Variants in CADPS2 observed in about 807,000 individuals in gnomAD.
CADPS2 encodes the protein calcium dependent secretion activator 2, also known as calcium-dependent secretion activator 2.
CADPS2 carries 93 observed loss-of-function variants against 172.5 expected under a neutral mutation model. That is an observed-to-expected ratio of 0.54 (90% confidence interval 0.46 to 0.64). The LOEUF is 0.64. Ranked by LOEUF, CADPS2 falls within the 30% of genes least tolerant of loss-of-function variation. The probability of loss-of-function intolerance (pLI) is 0.00; values close to 1 mark genes in which losing one functional copy is unlikely to be tolerated. For missense variants in CADPS2, 1,420 were observed against 1,565.9 expected, an observed-to-expected ratio of 0.91 and a Z score of 1.57; for synonymous variants, 546 against 555.2, an observed-to-expected ratio of 0.98 and a Z score of 0.23.
chr7:122,837,336 A>G (rs1370794891), intron 1 of CADPS2, among the ~76,000 whole-genome samples: 1 of 152,242 alleles, frequency 6.6e-6, no homozygotes, highest in African/African-American at 2.4e-5. Context: ...GGAAAGATCT[A>G]AAATTGAAAC....
At chr7:122,345,895 C>T (rs1199036061) in intron 27 of CADPS2, among the ~76,000 whole-genome samples, 1 of 143,188 alleles carries the variant, frequency 7.0e-6, no homozygotes, top group Non-Finnish European at 1.5e-5. Context: ...ATTGAAAATA[C>T]AGAGTTGTAG....
At position 122,411,654 on chromosome 7, in the gene CADPS2, A is replaced by G. The variant is rs548915259; in HGVS notation, c.2589+2414T>C. ...GTGCCTATTTATTCCCCAAGACAAG[A>G]TTAGTTTGCAATTCTGTACTTTGTT... is the stretch of plus-strand genomic sequence containing the variant. On this transcript the variant is annotated intron_variant, in intron 19 of 29. Coordinates refer to ENST00000449022, the MANE Select transcript of CADPS2 (RefSeq NM_017954.11). Among the ~76,000 whole-genome samples, 45 of 152,306 alleles carry G rather than the reference A, an allele frequency of 3.0e-4. 1 individual carries two copies. In the South Asian group the frequency reaches 9.1e-3, roughly 31 times the overall value.
intron 1 of CADPS2, among the ~76,000 whole-genome samples, chr7:122,759,572 G>T (rs549285047): frequency 6.6e-6 from 1 of 152,160 alleles, no homozygotes; most frequent in African/African-American, 2.4e-5. Flanking sequence ...AGAAAAAAAG[G>T]CTTTTGAATC....
In CADPS2 at chr7:122,703,687, T is replaced by A. The variant is rs549376573; in HGVS notation, c.453+33268A>T. On this transcript the variant is annotated intron_variant, in intron 2 of 29. Coordinates refer to ENST00000449022, the MANE Select transcript of CADPS2 (RefSeq NM_017954.11). ...GGTTCTAAGCCAGGGAGGTGACAAA[T>A]GTGTTTCAAAATGTTCACTTTGGTT... is the stretch of plus-strand genomic sequence containing the variant. Among the ~76,000 whole-genome samples, 269 of 152,166 alleles carry A rather than the reference T, an allele frequency of 1.8e-3. 1 individual carries two copies. The highest frequency in any genetic ancestry group is 3.4e-3 in the Middle Eastern group (1 of 294).
intron 7 of CADPS2, among the ~76,000 whole-genome samples, chr7:122,572,380 C>A (rs1429091233): frequency 2.0e-5 from 3 of 152,022 alleles, no homozygotes; most frequent in Non-Finnish European, 4.4e-5. Context: ...TTCCCCATCC[C>A]CATGGAAGCA....
At chr7:122,841,898 C>T (rs1187075035) in intron 1 of CADPS2, among the ~76,000 whole-genome samples, 2 of 152,080 alleles carry the variant, frequency 1.3e-5, no homozygotes, top group African/African-American at 4.8e-5. Context: ...AGCGTGACCA[C>T]TCAATAGGAA....
At chr7:122,674,662 TG>T (rs2082220564) in intron 2 of CADPS2, among the ~76,000 whole-genome samples, 3 of 152,256 alleles carry the variant, frequency 2.0e-5, no homozygotes, top group Admixed American at 2.0e-4. Flanking sequence ...CACACATTGC[TG>T]TTGATTTGAA....
At chr7:122,839,819 T>C (rs1423544692) in intron 1 of CADPS2, among the ~76,000 whole-genome samples, 2 of 152,202 alleles carry the variant, frequency 1.3e-5, no homozygotes, top group African/African-American at 2.4e-5. Flanking sequence ...GGAACACTTT[T>C]ACACTGTTGG....
intron 3 of CADPS2, among the ~76,000 whole-genome samples, chr7:122,660,877 T>C (rs866171557): frequency 1.6e-4 from 24 of 152,018 alleles, no homozygotes; most frequent in Middle Eastern, 3.4e-3. Context: ...ACCACTGCCC[T>C]CCAGCCTGGA....
chr7:122,474,470 T>G lies in CADPS2; in HGVS notation c.1909A>C (p.Asn637His). ...KHGMDEFISA[N>H]PCKLDHAFLF... ...AAGGCATGATCAAGCTTGCAGGGGT[T>G]TGCAGAAATAAACTCATCCATACCA... Residue 637 changes from asparagine to histidine, a missense_variant, in exon 13 of 30, where the codon AAC (asparagine) becomes CAC (histidine). By Grantham distance (68) the Asn-to-His change is moderately conservative. Transcript: ENST00000449022. The G allele has an allele frequency of 6.2e-7, 1 of 1,613,388 alleles. No homozygotes were observed. Among genetic ancestry groups the G allele is most frequent in the East Asian group, 2.2e-5 (1 of 44,754 alleles).
At chr7:122,403,303 AG>A (rs935309514) in intron 20 of CADPS2, among the ~76,000 whole-genome samples, 1 of 152,228 alleles carries the variant, frequency 6.6e-6, no homozygotes, top group Non-Finnish European at 1.5e-5. Flanking sequence ...CAGTACCAAA[AG>A]GAAAATATGA....
At chr7:122,724,450 A>G (rs1023930601) in intron 2 of CADPS2, among the ~76,000 whole-genome samples, 5 of 152,058 alleles carry the variant, frequency 3.3e-5, no homozygotes, top group Non-Finnish European at 5.9e-5. Context: ...AGTACACATG[A>G]TAATATAAAT....
chr7:122,414,113 A>G, intron 18 of CADPS2, 37 bp from the exon 19 acceptor site: 2 of 1,480,090 alleles, frequency 1.4e-6, no homozygotes, highest in South Asian at 1.4e-5. Flanking sequence ...ATTGCAGAGT[A>G]GAACAATTGC....
chr7:122,563,736 A>T (rs1442703201), intron 7 of CADPS2, among the ~76,000 whole-genome samples: 1 of 152,188 alleles, frequency 6.6e-6, no homozygotes, highest in African/African-American at 2.4e-5. Context: ...CTAGACTTGG[A>T]CAATTATTTT....
rs939950201 is a variant in CADPS2, at chr7:122,822,602, G to A, written c.339+63397C>T. Among the ~76,000 whole-genome samples, 9 of 146,532 alleles carry A rather than the reference G, an allele frequency of 6.1e-5. 1 individual carries two copies. The highest frequency in any genetic ancestry group is 5.9e-4 in the East Asian group (3 of 5,088). ...CCATCGCATCCCCTGTGACTTGCACGTATATGCCCAGATGGCCTGAAGTAA... is the reference window on the plus strand; with the variant it reads ...CCATCGCATCCCCTGTGACTTGCACATATATGCCCAGATGGCCTGAAGTAA... On this transcript the variant is annotated intron_variant, in intron 1 of 29. Coordinates refer to ENST00000449022, the MANE Select transcript of CADPS2 (RefSeq NM_017954.11).
At chr7:122,591,391 C>T (rs924146943) in intron 6 of CADPS2, among the ~76,000 whole-genome samples, 7 of 152,118 alleles carry the variant, frequency 4.6e-5, no homozygotes, top group Middle Eastern at 3.4e-3. Context: ...GAATCAATAT[C>T]GTGAAAATGG....
chr7:122,341,322 A>T (rs1451187451), intron 28 of CADPS2, among the ~76,000 whole-genome samples: 2 of 152,238 alleles, frequency 1.3e-5, no homozygotes, highest in Admixed American at 6.5e-5. Context: ...ATACTGAAGT[A>T]CAAGACCCTT....
At chr7:122,475,240 T>C (rs1195739647) in intron 12 of CADPS2, among the ~76,000 whole-genome samples, 2 of 152,208 alleles carry the variant, frequency 1.3e-5, no homozygotes, top group African/African-American at 2.4e-5. Context: ...AAGTCTTCAA[T>C]GTGAGTTATT....
intron 1 of CADPS2, among the ~76,000 whole-genome samples, chr7:122,852,789 C>A (rs921747317): frequency 6.6e-6 from 1 of 151,990 alleles, no homozygotes; most frequent in African/African-American, 2.4e-5. Flanking sequence ...GAGATGGAAC[C>A]CACTGGAGGT....
Sources: gnomAD v4.1 joint callset for allele counts (sites outside exome capture counted in the v4.1 genomes callset) on GRCh38, gnomAD v4.1.1 for gene constraint, MANE v1.5 for transcripts, NCBI Gene and HGNC (gene_info 2026-07-23, HGNC 2026-07-21) for gene names.